The following GPR137C variants were observed in gnomAD, a reference collection of about 807,000 sequenced individuals.
GPR137C encodes the protein integral membrane protein GPR137C.
GPR137C carries 27 observed loss-of-function variants against 43.4 expected under a neutral mutation model. The ratio of observed to expected loss-of-function variants is 0.62; its 90% confidence interval spans 0.46 to 0.86. The LOEUF (loss-of-function observed/expected upper bound fraction) is 0.86, where lower values mean the gene tolerates loss of function less well. Ranked by LOEUF, GPR137C falls within the 40% of genes least tolerant of loss-of-function variation. The pLI is 0.00. For missense variants in GPR137C, 522 were observed against 534.6 expected (o/e 0.98, Z 0.23); for synonymous variants, 285 against 226.9 (o/e 1.26, Z -2.30).
chr14:52,602,327 C>T (rs1212868639), intron 3 of GPR137C, among the ~76,000 whole-genome samples: 1 of 150,968 alleles, frequency 6.6e-6, no homozygotes, highest in Non-Finnish European at 1.5e-5. Flanking sequence ...TTCTGTCCCT[C>T]TCTCTCTCTC....
chr14:52,615,294 T>G (rs1047971696), intron 3 of GPR137C, among the ~76,000 whole-genome samples: 4 of 152,162 alleles, frequency 2.6e-5, no homozygotes, highest in Non-Finnish European at 5.9e-5. Flanking sequence ...GGGTTCTCTA[T>G]TCTGTCCTAC....
intron 3 of GPR137C, among the ~76,000 whole-genome samples, chr14:52,625,850 G>A (rs116096326): frequency 5.9e-5 from 9 of 151,998 alleles, no homozygotes; most frequent in East Asian, 3.9e-4. Context: ...CACTGCGCCC[G>A]GCCAGAAGAA....
chr14:52,577,291 T>C (rs1276461288), intron 1 of GPR137C, among the ~76,000 whole-genome samples: 1 of 150,662 alleles, frequency 6.6e-6, no homozygotes, highest in Non-Finnish European at 1.5e-5. Flanking sequence ...AAAATATTTG[T>C]TGAAACGAGT....
intron 1 of GPR137C, among the ~76,000 whole-genome samples, chr14:52,592,628 T>A (rs932408964): frequency 7.9e-5 from 12 of 152,154 alleles, no homozygotes; most frequent in African/African-American, 2.9e-4. Flanking sequence ...TTTGCCTCTC[T>A]GTTTGTCTGT....
At chr14:52,571,360 A>C (rs2038465566) in intron 1 of GPR137C, among the ~76,000 whole-genome samples, 1 of 152,210 alleles carries the variant, frequency 6.6e-6, no homozygotes, top group Non-Finnish European at 1.5e-5. Flanking sequence ...AATTTATAGC[A>C]CTAAATGCCC....
chr14:52,629,486 C>T (rs2039269421), intron 3 of GPR137C, among the ~76,000 whole-genome samples: 1 of 152,180 alleles, frequency 6.6e-6, no homozygotes, highest in Non-Finnish European at 1.5e-5. Context: ...GAGTTGGTCA[C>T]TGTAATTATC....
Position 52,635,189 on chromosome 14 carries a change from C to A in GPR137C, c.*74C>A. The A allele has an allele frequency of 8.3e-7, 1 of 1,206,660 alleles. No individual in the cohort carries two copies. Among genetic ancestry groups the A allele is most frequent in the Non-Finnish European group, 1.1e-6 (1 of 886,834 alleles). The allele number at this position is 1,206,660 out of a possible 1,614,324, so 74.7% of individuals were successfully genotyped here. On this transcript the variant is annotated 3_prime_UTR_variant, in exon 7 of 7. Coordinates refer to ENST00000321662, the MANE Select transcript of GPR137C (RefSeq NM_001099652.2). ...ATTCAATGTGTTTAAATTCCATCTA[C>A]ATAAACATTCCATTATCTGTTGCAA...
At chr14:52,617,405 G>A (rs996351937) in intron 3 of GPR137C, among the ~76,000 whole-genome samples, 6 of 152,086 alleles carry the variant, frequency 3.9e-5, no homozygotes, top group African/African-American at 9.7e-5. Flanking sequence ...CTGGCCGGGC[G>A]CGGGGGCTCA....
At chr14:52,631,188 C>T (rs2039290014) in intron 3 of GPR137C, among the ~76,000 whole-genome samples, 1 of 152,106 alleles carries the variant, frequency 6.6e-6, no homozygotes. Context: ...TAATTATAAA[C>T]AGGTGTTTCA....
At chr14:52,572,489 A>G (rs1049822521) in intron 1 of GPR137C, among the ~76,000 whole-genome samples, 1 of 152,210 alleles carries the variant, frequency 6.6e-6, no homozygotes, top group African/African-American at 2.4e-5. Context: ...AGAACCAATG[A>G]CCAAAACCAC....
chr14:52,560,622 A>AT (rs1209725998), intron 1 of GPR137C, among the ~76,000 whole-genome samples: 1 of 152,164 alleles, frequency 6.6e-6, no homozygotes, highest in Non-Finnish European at 1.5e-5. Context: ...TAGTCAACTG[A>AT]TTTTTTTCCC....
chr14:52,610,805 A>C (rs1045056768), intron 3 of GPR137C, among the ~76,000 whole-genome samples: 1 of 152,240 alleles, frequency 6.6e-6, no homozygotes, highest in Admixed American at 6.5e-5. Flanking sequence ...TCAAGAGCAA[A>C]TTGAACCAAT....
At chr14:52,592,029 AG>A (rs1294685705) in intron 1 of GPR137C, among the ~76,000 whole-genome samples, 1 of 152,204 alleles carries the variant, frequency 6.6e-6, no homozygotes, top group African/African-American at 2.4e-5. Flanking sequence ...ATCCAGTTTC[AG>A]CTTTCTGCAT....
rs1276383761 is a variant in GPR137C at position 52,636,322 on chromosome 14, T to A, written c.*1207T>A. The A allele has an allele frequency of 6.6e-6, 1 of 151,734 alleles. No homozygotes were observed. Among genetic ancestry groups the A allele is most frequent in the African/African-American group, 2.4e-5 (1 of 41,354 alleles). 9.4% of individuals were successfully genotyped at this position (151,734 alleles called of 1,614,324 possible). A position where few individuals can be genotyped will look rare whatever the true frequency, so the allele number is the denominator to read the frequency against. ...ACTGTCTTAAATGTCCTATCCCAAA[T>A]CTAAAAAAAAAGAAAATGGCAGGCT... On this transcript the variant is annotated 3_prime_UTR_variant, in exon 7 of 7. Transcript: ENST00000321662.
intron 1 of GPR137C, among the ~76,000 whole-genome samples, chr14:52,559,706 G>A (rs527599336): frequency 6.6e-5 from 10 of 152,202 alleles, no homozygotes; most frequent in Admixed American, 2.0e-4. Flanking sequence ...AAAAAGGTTC[G>A]AAAATTAGAA....
At chr14:52,612,136 T>C (rs1363090043) in intron 3 of GPR137C, 1 of 983,576 alleles carries the variant, frequency 1.0e-6, no homozygotes, top group African/African-American at 1.7e-5. Flanking sequence ...TTACTAAAAA[T>C]GTATTTTTTC....
At chr14:52,609,147 T>C (rs1435787445) in intron 3 of GPR137C, among the ~76,000 whole-genome samples, 1 of 152,190 alleles carries the variant, frequency 6.6e-6, no homozygotes, top group Non-Finnish European at 1.5e-5. Flanking sequence ...TATTTTCAGC[T>C]AGTCTGTTTT....
intron 3 of GPR137C, among the ~76,000 whole-genome samples, chr14:52,628,714 T>C (rs1419879837): frequency 6.6e-6 from 1 of 152,116 alleles, no homozygotes; most frequent in African/African-American, 2.4e-5. Context: ...GAGAATCACT[T>C]GAACCCGGTA....
At chr14:52,596,693 G>A (rs2038860554) in intron 1 of GPR137C, among the ~76,000 whole-genome samples, 1 of 152,200 alleles carries the variant, frequency 6.6e-6, no homozygotes, top group Non-Finnish European at 1.5e-5. Flanking sequence ...GCAGTATTTG[G>A]ACGAGAGTGT....
Sources: allele counts gnomAD v4.1 joint callset (sites outside exome capture counted in the v4.1 genomes callset), GRCh38; gene constraint gnomAD v4.1.1; transcripts MANE v1.5; gene names NCBI Gene and HGNC (gene_info 2026-07-23, HGNC 2026-07-21).